Variants in IL2RB observed in about 807,000 individuals in gnomAD.
The protein encoded by IL2RB is interleukin-2 receptor subunit beta.
Under a neutral mutation model 44.2 loss-of-function variants are expected in IL2RB, and 17 were observed. The ratio of observed to expected loss-of-function variants is 0.38; its 90% CI spans 0.26 to 0.58. The LOEUF (loss-of-function observed/expected upper bound fraction) is 0.58. Among genes scored for constraint, IL2RB ranks in the 20% least tolerant of loss-of-function variants. The pLI is 0.63. For synonymous variants in IL2RB, 286 were observed against 297.9 expected (o/e 0.96, Z 0.41); for missense variants, 624 against 685.5 (o/e 0.91, Z 1.00).
At position 37,126,485 on chromosome 22, in the gene IL2RB, G is replaced by T. The variant is rs111460079; in HGVS notation, c.*1611C>A. On this transcript the variant is annotated 3_prime_UTR_variant, in exon 10 of 10. Transcript: ENST00000216223. ...TGTCCACAAGCACCTGCTCCCAAGG[G>T]CCTCCCTCCCTGAGTTCAAACGCCC... 23 of 152,328 alleles carry T rather than the reference G, an allele frequency of 1.5e-4. No individual in the cohort carries two copies. Among genetic ancestry groups the T allele is most frequent in the African/African-American group, 5.3e-4 (22 of 41,550 alleles). The allele number at this position is 152,328 out of a possible 1,614,324, so 9.4% of individuals were successfully genotyped here. A position where few individuals can be genotyped will look rare whatever the true frequency, so the allele number is the denominator to read the frequency against.
intron 1 of IL2RB, among the ~76,000 whole-genome samples, chr22:37,166,204 G>C (rs970876687): frequency 1.3e-5 from 2 of 152,200 alleles, no homozygotes; most frequent in African/African-American, 4.8e-5. Context: ...CTGCTACTGG[G>C]GGGACCCTCA....
chr22:37,135,426 G>A lies in IL2RB; in HGVS notation c.720C>T (p.Thr240=), dbSNP rs1256659066. Reference sequence around the variant, plus strand: ...CGAGGAGGTGGCCGAGCCACGGAATGGTGTCCTTCCCAAGGGCTGCCCAGG... The same window carrying A: ...CGAGGAGGTGGCCGAGCCACGGAATAGTGTCCTTCCCAAGGGCTGCCCAGG... ...RTKPAALGKD[T]IPWLGHLLVG... The change falls in exon 8 of 10, where the codon ACC becomes ACT. Residue 240 remains threonine, a synonymous_variant. Coordinates refer to ENST00000216223, the MANE Select transcript of IL2RB (RefSeq NM_000878.5). 3 of 1,613,086 alleles carry A rather than the reference G, an allele frequency of 1.9e-6. 1 individual carries two copies. The highest frequency in any genetic ancestry group is 1.1e-5 in the South Asian group (1 of 91,060).
chr22:37,157,091 C>G (rs772390601), intron 1 of IL2RB, among the ~76,000 whole-genome samples: 1 of 142,396 alleles, frequency 7.0e-6, no homozygotes, highest in Non-Finnish European at 1.5e-5. Flanking sequence ...ACCCTCCGCC[C>G]AGTCCCCATC....
chr22:37,130,586 G>C (rs554283317), intron 9 of IL2RB, among the ~76,000 whole-genome samples: 1 of 152,124 alleles, frequency 6.6e-6, no homozygotes, highest in African/African-American at 2.4e-5. Flanking sequence ...TCAGGACCCC[G>C]CTCCACACAC....
rs1921341323 is a variant in IL2RB at position 37,129,973 on chromosome 22, GCCCAGTTCTCCTCT to G, written c.904-1139_904-1126del. 5.3e-5 allele frequency among the ~76,000 whole-genome samples: 8 copies of G among 152,330 alleles called. No homozygotes were observed. The South Asian group carries it at 1.7e-3, about 32-fold the overall frequency. The stretch of plus-strand genomic sequence containing the variant: ...ATGAATTAATGAACCAGCAACAAAT[GCCCAGTTCTCCTCT>G]CCAGGGAGAGTCCCTGAGGCTGAGC... On this transcript the variant is annotated intron_variant, in intron 9 of 9. Transcript: ENST00000216223.
At chr22:37,166,812 G>A (rs1046545491) in intron 1 of IL2RB, 1 of 152,142 alleles carries the variant, frequency 6.6e-6, no homozygotes, top group African/African-American at 2.4e-5. Flanking sequence ...GCCTCCCCGG[G>A]AGTCGCAAGT....
chr22:37,130,005 G>A (rs2146225827), intron 9 of IL2RB, among the ~76,000 whole-genome samples: 1 of 152,224 alleles, frequency 6.6e-6, no homozygotes, highest in East Asian at 1.9e-4. Flanking sequence ...GAGTCCCTGA[G>A]GCTGAGCCAG....
At chr22:37,146,618 C>A (rs1036171895) in intron 1 of IL2RB, among the ~76,000 whole-genome samples, 3 of 152,194 alleles carry the variant, frequency 2.0e-5, no homozygotes, top group African/African-American at 7.2e-5. Flanking sequence ...CCCTGATTTC[C>A]GTGATGGAGG....
Position 37,128,257 on chromosome 22 carries a change from C to G in IL2RB, c.1495G>C (p.Glu499Gln), listed in dbSNP as rs764168940. The G allele has an allele frequency of 6.7e-7, 1 of 1,497,342 alleles. No individual in the cohort carries two copies. The highest frequency in any genetic ancestry group is 8.9e-7 in the Non-Finnish European group (1 of 1,124,422). 92.8% of individuals were successfully genotyped at this position (1,497,342 alleles called of 1,614,324 possible). Reference sequence around the variant, plus strand: ...TCCCTGGGGCCAGCGTCAGGGACCTCCTCCCCAGCCTCTCGCAGCACCAGC... The same window carrying G: ...TCCCTGGGGCCAGCGTCAGGGACCTGCTCCCCAGCCTCTCGCAGCACCAGC... Reference protein sequence around the residue: ...PELVLREAGEEVPDAGPREGV... With the variant: ...PELVLREAGEQVPDAGPREGV... Residue 499 changes from glutamate (E) to glutamine (Q), a missense_variant, in exon 10 of 10, where the codon GAG becomes CAG. Glu to Gln is a conservative substitution (Grantham distance 29). This residue lies in a region of IL2RB where 291 missense variants were observed against 275.5 expected (regional missense o/e 1.06). Coordinates refer to ENST00000216223, the MANE Select transcript of IL2RB (RefSeq NM_000878.5). The surrounding 1 kb of genome is among the most constrained non-coding windows in gnomAD (Gnocchi z 4.5).
At position 37,174,161 on chromosome 22, in the gene IL2RB, C is replaced by CT. The variant is rs1269536371; in HGVS notation, c.-34+796dup. On this transcript the variant is annotated intron_variant, in intron 1 of 5. Coordinates refer to the IL2RB transcript ENST00000429622. ...GTGGCCAATGAGAAGCGAGAAGAGG[C>CT]TTTTGGACAGAAGAATCTCTGATTC... Among the ~76,000 whole-genome samples the CT allele has an allele frequency of 2.0e-5, 3 of 152,288 alleles. No homozygotes were observed. In the East Asian group the frequency reaches 5.8e-4, roughly 29 times the overall value.
rs1922400052 is a variant in IL2RB, at chr22:37,149,841, G to A, written c.-50C>T. 9.1e-6 allele frequency: 9 copies of A among 985,652 alleles called. No individual in the cohort carries two copies. The highest frequency in any genetic ancestry group is 9.6e-6 in the Non-Finnish European group (8 of 830,156). 61.1% of individuals were successfully genotyped at this position (985,652 alleles called of 1,614,324 possible). The stretch of plus-strand genomic sequence containing the variant: ...GGACATCACCTGGCTGAGACATGGG[G>A]CGGTGGCAGCGCGCGCTCTCCAGTC... On this transcript the variant is annotated 5_prime_UTR_variant, in exon 1 of 10. Coordinates refer to ENST00000216223, the MANE Select transcript of IL2RB (RefSeq NM_000878.5).
intron 8 of IL2RB, among the ~76,000 whole-genome samples, 156 bp from the exon 9 acceptor site, chr22:37,132,624 G>A (rs756898695): frequency 2.0e-5 from 3 of 152,210 alleles, no homozygotes; most frequent in African/African-American, 7.2e-5. Flanking sequence ...GTGGGAGGAC[G>A]CTGTGTTGGG....
At position 37,144,077 on chromosome 22, in the gene IL2RB, G is replaced by A. The variant is rs368752529; in HGVS notation, c.88+8C>T. 2 of 1,551,792 alleles carry A rather than the reference G, an allele frequency of 1.3e-6. No homozygotes were observed. Among genetic ancestry groups the A allele is most frequent in the African/African-American group, 2.7e-5 (2 of 73,066 alleles). ...AAAGCAGAGCTGTTCAGATGTCAGGGTCCTCACCATTCACCGCTGCAGATG... is the reference window on the plus strand; with the variant it reads ...AAAGCAGAGCTGTTCAGATGTCAGGATCCTCACCATTCACCGCTGCAGATG... On this transcript the variant is annotated splice_region_variant and intron_variant, in intron 2 of 9. Coordinates refer to ENST00000216223, the MANE Select transcript of IL2RB (RefSeq NM_000878.5).
chr22:37,148,496 G>A lies in IL2RB; in HGVS notation c.-34+1329C>T, dbSNP rs3218254. Reference sequence around the variant, plus strand: ...ACTGGTCACACCCACGGATGCCTACGTCCCCACCACAGCCCTGCAAGGTGG... The same window carrying A: ...ACTGGTCACACCCACGGATGCCTACATCCCCACCACAGCCCTGCAAGGTGG... On this transcript the variant is annotated intron_variant, in intron 1 of 9. Coordinates refer to ENST00000216223, the MANE Select transcript of IL2RB (RefSeq NM_000878.5). Among the ~76,000 whole-genome samples, 3 of 152,246 alleles carry A rather than the reference G, an allele frequency of 2.0e-5. No homozygotes were observed. The South Asian group carries it at 6.2e-4, about 32-fold the overall frequency.
intron 1 of IL2RB, among the ~76,000 whole-genome samples, chr22:37,157,854 G>T (rs977881813): frequency 9.9e-5 from 15 of 152,158 alleles, no homozygotes; most frequent in African/African-American, 3.6e-4. Context: ...GTCAATATGA[G>T]GGGAAGGAAG....
At chr22:37,138,951 G>A (rs1416827857) in intron 5 of IL2RB, 166 bp downstream of exon 5, 3 of 589,424 alleles carry the variant, frequency 5.1e-6, no homozygotes, top group Non-Finnish European at 9.2e-6. Context: ...TTGAATGCCA[G>A]AGGAAGGAGC....
chr22:37,169,432 G>T (rs1057406117), intron 1 of IL2RB, among the ~76,000 whole-genome samples: 1 of 152,152 alleles, frequency 6.6e-6, no homozygotes, highest in Non-Finnish European at 1.5e-5. Flanking sequence ...TTACAGAGGG[G>T]TTCATATTTG....
At chr22:37,160,217 C>T (rs577475252) in intron 1 of IL2RB, among the ~76,000 whole-genome samples, 10 of 152,230 alleles carry the variant, frequency 6.6e-5, no homozygotes, top group Non-Finnish European at 1.3e-4. Context: ...GATGCAGTGA[C>T]GGCAGCTCCC....
intron 1 of IL2RB, among the ~76,000 whole-genome samples, chr22:37,145,979 C>T (rs942759725): frequency 2.0e-5 from 3 of 152,166 alleles, no homozygotes; most frequent in Non-Finnish European, 4.4e-5. Context: ...CCACGTCCCT[C>T]CCGATGGTCT....
Sources: allele counts gnomAD v4.1 joint callset (sites outside exome capture counted in the v4.1 genomes callset), GRCh38; gene constraint gnomAD v4.1.1; regional missense constraint gnomAD v4.1.1; non-coding constraint Gnocchi (gnomAD v3.1); transcripts MANE v1.5; gene names NCBI Gene and HGNC (gene_info 2026-07-23, HGNC 2026-07-21).